DUSP13B: variants seen among roughly 807,000 people sequenced by gnomAD.
DUSP13B encodes the protein dual specificity protein phosphatase 13B.
chr10:75,103,144 A>G, the DUSP13B span, among the ~76,000 whole-genome samples: 1 of 152,238 alleles, frequency 6.6e-6, no homozygotes, highest in African/African-American at 2.4e-5. Context: ...GTATTATAGA[A>G]GAAGGGCAGG....
the DUSP13B span, chr10:75,107,879 A>G: frequency 7.7e-7 from 1 of 1,293,808 alleles, no homozygotes. Context: ...ACACGGCCTA[A>G]GCAGAGGATT....
chr10:75,099,662 T>C, the DUSP13B span: 54 of 716,712 alleles, frequency 7.5e-5, no homozygotes, highest in Admixed American at 1.3e-4. Flanking sequence ...CTCTGCTTGG[T>C]ATCTGTTTGG....
At chr10:75,094,639 T>G in the DUSP13B span, 1 of 1,606,698 alleles carries the variant, frequency 6.2e-7, no homozygotes, top group South Asian at 1.1e-5. Flanking sequence ...GCTGGTGGGG[T>G]TGGGCCAAGG....
the DUSP13B span, chr10:75,103,976 C>G: frequency 7.5e-7 from 1 of 1,340,788 alleles, no homozygotes; most frequent in Non-Finnish European, 9.9e-7. Flanking sequence ...AGGGCCGACC[C>G]CACGCTGGGC....
the DUSP13B span, among the ~76,000 whole-genome samples, chr10:75,101,386 C>T: frequency 6.6e-6 from 1 of 152,202 alleles, no homozygotes; most frequent in Non-Finnish European, 1.5e-5. Context: ...CCCTTTCCAG[C>T]CCCAGCCATA....
At chr10:75,103,972 G>T in the DUSP13B span, 1 of 1,337,402 alleles carries the variant, frequency 7.5e-7, no homozygotes. Context: ...CTCTAGGGCC[G>T]ACCCCACGCT....
At chr10:75,094,794 G>A in the DUSP13B span, 33 of 1,614,042 alleles carry the variant, frequency 2.0e-5, no homozygotes, top group East Asian at 4.5e-5. Context: ...CTCTACCAGC[G>A]TCATGTTCTC....
chr10:75,108,076 C>G, the DUSP13B span: 1 of 1,613,914 alleles, frequency 6.2e-7, no homozygotes, highest in Non-Finnish European at 8.5e-7. Flanking sequence ...AGGTCGTGGG[C>G]TGGCACCCCC....
the DUSP13B span, among the ~76,000 whole-genome samples, chr10:75,095,287 C>A: frequency 6.6e-6 from 1 of 152,210 alleles, no homozygotes; most frequent in Admixed American, 6.5e-5. Flanking sequence ...GGAACCCGCT[C>A]AAGAGCTTCA....
At chr10:75,099,441 C>G in the DUSP13B span, 74 of 1,232,496 alleles carry the variant, frequency 6.0e-5, no homozygotes, top group Middle Eastern at 3.1e-4. Flanking sequence ...GGGGCATGGC[C>G]TGGGGCCGGG....
At chr10:75,099,139 A>G in the DUSP13B span, 1 of 1,232,198 alleles carries the variant, frequency 8.1e-7, no homozygotes, top group Non-Finnish European at 1.0e-6. Context: ...CTGGATTTTC[A>G]GCGGCACCAG....
the DUSP13B span, among the ~76,000 whole-genome samples, chr10:75,101,476 T>C: frequency 2.6e-5 from 4 of 152,216 alleles, no homozygotes; most frequent in Non-Finnish European, 5.9e-5. Context: ...TCTTTCTCTG[T>C]CCAGCAATAA....
chr10:75,105,940 A>C, the DUSP13B span: 1 of 1,439,142 alleles, frequency 6.9e-7, no homozygotes, highest in Non-Finnish European at 9.5e-7. Flanking sequence ...TGGGGACCCA[A>C]GTTCCTTTCC....
the DUSP13B span, among the ~76,000 whole-genome samples, chr10:75,104,704 G>C: frequency 6.6e-6 from 1 of 152,166 alleles, no homozygotes; most frequent in African/African-American, 2.4e-5. Context: ...CTCAAGCCCA[G>C]CTATAACCCA....
At chr10:75,094,491 G>T in the DUSP13B span, 1 of 611,110 alleles carries the variant, frequency 1.6e-6, no homozygotes, top group East Asian at 2.8e-5. Flanking sequence ...TTTGCATAAA[G>T]AATCTCTGAA....
At chr10:75,100,026 G>A in the DUSP13B span, among the ~76,000 whole-genome samples, 2 of 152,108 alleles carry the variant, frequency 1.3e-5, no homozygotes, top group African/African-American at 4.8e-5. Context: ...CCATCAGGTG[G>A]GGCTGCACCA....
the DUSP13B span, chr10:75,108,890 C>T: frequency 7.4e-7 from 1 of 1,348,688 alleles, no homozygotes; most frequent in Non-Finnish European, 9.8e-7. Context: ...GGTCCCTGGC[C>T]TGGGATGGTC....
At chr10:75,108,168 A>T in the DUSP13B span, 2 of 1,612,200 alleles carry the variant, frequency 1.2e-6, no homozygotes, top group Non-Finnish European at 1.7e-6. Context: ...CACGTGGGTG[A>T]TGCCCAGCTT....
chr10:75,102,820 C>T, the DUSP13B span, among the ~76,000 whole-genome samples: 1 of 151,888 alleles, frequency 6.6e-6, no homozygotes, highest in Non-Finnish European at 1.5e-5. Context: ...GGCGTGGTGG[C>T]GCATGCCTGT....
Sources: allele counts gnomAD v4.1 joint callset (sites outside exome capture counted in the v4.1 genomes callset), GRCh38; gene constraint gnomAD v4.1.1; transcripts MANE v1.5; gene names NCBI Gene and HGNC (gene_info 2026-07-23, HGNC 2026-07-21).